Variants in NECTIN4 observed in about 807,000 individuals in gnomAD.
NECTIN4 encodes nectin-4.
Under a neutral mutation model 51.7 loss-of-function variants are expected in NECTIN4, and 19 were observed. The observed-to-expected ratio is 0.37, with a 90% CI of 0.26 to 0.54. The LOEUF (loss-of-function observed/expected upper bound fraction) is 0.54. NECTIN4 is among the 20% of genes least tolerant of loss of function. The pLI is 0.86. For synonymous variants in NECTIN4, 283 were observed against 286.9 expected, an observed-to-expected ratio of 0.99 and a Z score of 0.14; for missense variants, 619 against 662.4, an observed-to-expected ratio of 0.93 and a Z score of 0.72.
intron 1 of NECTIN4, among the ~76,000 whole-genome samples, chr1:161,086,019 C>A (rs556194878): frequency 6.6e-6 from 1 of 152,232 alleles, no homozygotes; most frequent in African/African-American, 2.4e-5. Context: ...CAAATTAAGA[C>A]CCTAGGCTTC....
rs778305003 is a variant in NECTIN4, at chr1:161,073,327, G to C, written c.1234-28C>G. 1.2e-5 allele frequency: 19 copies of C among 1,602,868 alleles called. No homozygotes were observed. In the Admixed American group the frequency reaches 3.0e-4, roughly 25 times the overall value. ...GCAGGGCCCAGACACGGGGCAGTTA[G>C]AACAGGGCTCAGCCTCCTCCCCTCA... On this transcript the variant is annotated intron_variant, in intron 7 of 8. Transcript: ENST00000368012.
At chr1:161,073,118 G>A (rs1038782871) in intron 8 of NECTIN4, 107 bp downstream of exon 8, 1 of 1,042,004 alleles carries the variant, frequency 9.6e-7, no homozygotes, top group Non-Finnish European at 1.5e-6. Flanking sequence ...ATGAGCCAGG[G>A]CTAAGGAAAG....
chr1:161,082,966 A>G (rs1653755670), intron 1 of NECTIN4, among the ~76,000 whole-genome samples: 1 of 152,150 alleles, frequency 6.6e-6, no homozygotes, highest in South Asian at 2.1e-4. Context: ...CCCTATTCCT[A>G]TACTAGCCAA....
chr1:161,085,018 A>G (rs1571160906), intron 1 of NECTIN4: 1 of 152,016 alleles, frequency 6.6e-6, no homozygotes, highest in Non-Finnish European at 1.5e-5. Context: ...GAAGCTCACC[A>G]TCCAGGACAG....
intron 1 of NECTIN4, among the ~76,000 whole-genome samples, chr1:161,081,344 T>C (rs1556257): frequency 0.75 from 112,960 of 150,310 alleles, 42,508 homozygotes; most frequent in Middle Eastern, 0.8. Flanking sequence ...GGTGCAGTAG[T>C]GCTAGGGTGG....
chr1:161,079,775 T>C lies in NECTIN4; in HGVS notation c.254A>G (p.Lys85Arg), dbSNP rs142765500. Residue 85 changes from lysine (K) to arginine (R), a missense_variant, in exon 2 of 9, where the codon AAA becomes AGA. Coordinates refer to ENST00000368012, the MANE Select transcript of NECTIN4 (RefSeq NM_030916.3). ...AGCCGGGCTCACATGAAGCCCGTAT[T>C]TGGAGTGCAGTAGCGCTAGTTCCTG... ...GAQELALLHS[K>R]YGLHVSPAYE... The C allele has an allele frequency of 1.4e-4, 228 of 1,612,798 alleles. No homozygotes were observed. The highest frequency in any genetic ancestry group is 1.8e-4 in the Non-Finnish European group (215 of 1,179,984).
chr1:161,076,554 C>G (rs866769481), intron 3 of NECTIN4, 79 bp from the exon 4 acceptor site: 1 of 1,585,782 alleles, frequency 6.3e-7, no homozygotes, highest in Non-Finnish European at 8.6e-7. Flanking sequence ...CTGCCCCCAC[C>G]CCACCCTGCC....
In NECTIN4 at chr1:161,072,193, T is replaced by G. The variant is rs1653197116; in HGVS notation, c.*468A>C. 3.7e-6 allele frequency: 1 copy of G among 271,066 alleles called. No homozygotes were observed. Among genetic ancestry groups the G allele is most frequent in the African/African-American group, 2.2e-5 (1 of 45,570 alleles). 16.8% of individuals were successfully genotyped at this position (271,066 alleles called of 1,614,324 possible). Reference sequence around the variant, plus strand: ...GTCTCCACCTCTCTCCTCCAACCTCTGCATCATTAATACTGCTCTGGGGTC... The same window carrying G: ...GTCTCCACCTCTCTCCTCCAACCTCGGCATCATTAATACTGCTCTGGGGTC... On this transcript the variant is annotated 3_prime_UTR_variant, in exon 9 of 9. Transcript: ENST00000368012.
Position 161,071,344 on chromosome 1 carries a change from A to T in NECTIN4, c.*1317T>A, listed in dbSNP as rs948265751. On this transcript the variant is annotated 3_prime_UTR_variant, in exon 9 of 9. Coordinates refer to ENST00000368012, the MANE Select transcript of NECTIN4 (RefSeq NM_030916.3). ...GGGGAAAGGCGACATTCTCACCCCC[A>T]GCACCTCCTTCACCTCACCTCAACT... The T allele has an allele frequency of 6.6e-6, 1 of 152,342 alleles. No individual in the cohort carries two copies. The highest frequency in any genetic ancestry group is 1.5e-5 in the Non-Finnish European group (1 of 68,084). 9.4% of individuals were successfully genotyped at this position (152,342 alleles called of 1,614,324 possible). A position where few individuals can be genotyped will look rare whatever the true frequency, so the allele number is the denominator to read the frequency against.
chr1:161,083,765 C>T (rs2101674413), intron 1 of NECTIN4, among the ~76,000 whole-genome samples: 1 of 152,374 alleles, frequency 6.6e-6, no homozygotes, highest in Middle Eastern at 3.4e-3. Flanking sequence ...GGCCAGGCCC[C>T]CACGGGCCTC....
In NECTIN4 at chr1:161,072,794, C is replaced by A; in HGVS notation, c.1400G>T (p.Arg467Leu). 6.2e-7 allele frequency: 1 copy of A among 1,614,246 alleles called. No homozygotes were observed. The part of the protein sequence containing the change: ...QTELLSPGSG[R>L]AEEEEDQDEG... ...ATCCTGATCTTCCTCCTCCTCGGCCCGCCCAGAGCCTGGAGACAGCAGTTC... is the reference window on the plus strand; with the variant it reads ...ATCCTGATCTTCCTCCTCCTCGGCCAGCCCAGAGCCTGGAGACAGCAGTTC... The change falls in exon 9 of 9, where the codon CGG becomes CTG. Residue 467 changes from arginine (R) to leucine (L), a missense_variant. Arg to Leu is a moderately radical substitution (Grantham distance 102). This residue lies in a region of NECTIN4 where 364 missense variants were observed against 415.7 expected (regional missense o/e 0.88). Transcript: ENST00000368012.
Position 161,074,210 on chromosome 1 carries a change from TACTC to T in NECTIN4, c.1157+3_1157+6del. On this transcript the variant is annotated splice_donor_5th_base_variant and intron_variant, in intron 6 of 8. Transcript: ENST00000368012. The stretch of plus-strand genomic sequence containing the variant: ...GTTCTACCCACCCAGGAGTGCCCAG[TACTC>T]ACTATTTCTGGGTCATCTGCTGGGC... 6.2e-7 allele frequency: 1 copy of T among 1,614,074 alleles called. No homozygotes were observed. Among genetic ancestry groups the T allele is most frequent in the Non-Finnish European group, 8.5e-7 (1 of 1,179,964 alleles).
In NECTIN4 at chr1:161,072,457, A is replaced by C. The variant is rs1329717703; in HGVS notation, c.*204T>G. On this transcript the variant is annotated 3_prime_UTR_variant, in exon 9 of 9. Coordinates refer to ENST00000368012, the MANE Select transcript of NECTIN4 (RefSeq NM_030916.3). ...CACACAGGCACACATGCACACACAC[A>C]GTGACCTGCATGCATGGTGGGAGAG... is the stretch of plus-strand genomic sequence containing the variant. 1 of 637,758 alleles carries C rather than the reference A, an allele frequency of 1.6e-6. No homozygotes were observed. 39.5% of individuals were successfully genotyped at this position (637,758 alleles called of 1,614,324 possible). A position where few individuals can be genotyped will look rare whatever the true frequency, so the allele number is the denominator to read the frequency against.
chr1:161,080,428 C>T (rs1352827025), intron 1 of NECTIN4, among the ~76,000 whole-genome samples: 3 of 152,190 alleles, frequency 2.0e-5, no homozygotes, highest in African/African-American at 7.2e-5. Flanking sequence ...AAAGTGTGGC[C>T]GGGAGCCACG....
intron 1 of NECTIN4, among the ~76,000 whole-genome samples, chr1:161,081,904 T>G (rs191035907): frequency 1.3e-4 from 19 of 150,366 alleles, no homozygotes; most frequent in African/African-American, 3.4e-4. Context: ...TTTCTGGGCC[T>G]CACATCACCA....
At position 161,073,299 on chromosome 1, in the gene NECTIN4, G is replaced by T. The variant is rs1341264345; in HGVS notation, c.1234C>A (p.Pro412Thr). ...HSHHTDPRSQPEESVGLRAEG... is the reference protein window; with the variant it reads ...HSHHTDPRSQTEESVGLRAEG... ...GCTCTCAGCCCTACACTCTCCTCCGGCTGCAGGGCCCAGACACGGGGCAGT... is the reference window on the plus strand; with the variant it reads ...GCTCTCAGCCCTACACTCTCCTCCGTCTGCAGGGCCCAGACACGGGGCAGT... The change falls in exon 8 of 9, where the codon CCG (proline) becomes ACG (threonine). Residue 412 changes from proline to threonine, a missense_variant and splice_region_variant. Pro to Thr is a conservative substitution (Grantham distance 38, BLOSUM62 -1). Transcript: ENST00000368012. 6.2e-7 allele frequency: 1 copy of T among 1,613,870 alleles called. No individual in the cohort carries two copies. The highest frequency in any genetic ancestry group is 1.1e-5 in the South Asian group (1 of 91,068).
chr1:161,075,509 G>A (rs1045474718), intron 4 of NECTIN4, among the ~76,000 whole-genome samples: 2 of 152,160 alleles, frequency 1.3e-5, no homozygotes, highest in East Asian at 1.9e-4. Context: ...GGTGGCTCAC[G>A]CCTATAATTC....
rs1254707159 is a variant in NECTIN4, at chr1:161,071,640, C to G, written c.*1021G>C. 6.6e-6 allele frequency: 1 copy of G among 152,106 alleles called. No individual in the cohort carries two copies. Among genetic ancestry groups the G allele is most frequent in the Admixed American group, 6.6e-5 (1 of 15,256 alleles). 9.4% of individuals were successfully genotyped at this position (152,106 alleles called of 1,614,324 possible). A position where few individuals can be genotyped will look rare whatever the true frequency, so the allele number is the denominator to read the frequency against. ...ATTAACCCCCTGGTGTTGGAGGGGC[C>G]TCACTTTAAGCAATCCCAGTAGTAA... On this transcript the variant is annotated 3_prime_UTR_variant, in exon 9 of 9. Transcript: ENST00000368012.
rs549892913 is a variant in NECTIN4 at position 161,072,932 on chromosome 1, C to T, written c.1309-47G>A. The T allele has an allele frequency of 7.1e-6, 11 of 1,551,862 alleles. No individual in the cohort carries two copies. The South Asian group carries it at 1.2e-4, about 16-fold the overall frequency. On this transcript the variant is annotated intron_variant, in intron 8 of 8. Transcript: ENST00000368012. The stretch of plus-strand genomic sequence containing the variant: ...CAAGTCAGGAACAAAGGCAGGGCAG[C>T]TGCACATGGTGGGGCATGGCTGGGT...
Sources: allele counts gnomAD v4.1 joint callset (sites outside exome capture counted in the v4.1 genomes callset), GRCh38; gene constraint gnomAD v4.1.1; regional missense constraint gnomAD v4.1.1; transcripts MANE v1.5; gene names NCBI Gene and HGNC (gene_info 2026-07-23, HGNC 2026-07-21).